VEGFB: variants seen among roughly 807,000 people sequenced by gnomAD.
VEGFB encodes VEGF-related factor.
In VEGFB, 24 loss-of-function variants were observed where a neutral mutation model predicts 22.5. The ratio of observed to expected loss-of-function variants is 1.07; its 90% CI spans 0.77 to 1.50. The LOEUF is 1.50. Ranked by LOEUF, VEGFB falls within the 40% of genes most tolerant of loss-of-function variation. The pLI, the probability that VEGFB is intolerant of heterozygous loss-of-function variation, is 0.00. For missense variants in VEGFB, 327 were observed against 287.8 expected (o/e 1.14, Z -0.99); for synonymous variants, 141 against 117.4 (o/e 1.20, Z -1.30).
chr11:64,235,847 C>T lies in VEGFB; in HGVS notation c.138C>T (p.Thr46=). Residue 46 remains threonine (T), a synonymous_variant, in exon 3 of 7, where the codon ACC becomes ACT. Transcript: ENST00000309422. ...GGATAGATGTGTATACTCGCGCTACCTGCCAGCCCCGGGAGGTGGTGGTGC... is the reference window on the plus strand; with the variant it reads ...GGATAGATGTGTATACTCGCGCTACTTGCCAGCCCCGGGAGGTGGTGGTGC... ...VSWIDVYTRA[T]CQPREVVVPL... 6.2e-7 allele frequency: 1 copy of T among 1,614,004 alleles called. No homozygotes were observed. Among genetic ancestry groups the T allele is most frequent in the Non-Finnish European group, 8.5e-7 (1 of 1,180,014 alleles).
intron 6 of VEGFB, chr11:64,237,938 G>C: frequency 2.0e-6 from 1 of 500,866 alleles, no homozygotes; most frequent in Non-Finnish European, 3.5e-6. Context: ...AGATCTCTTG[G>C]AGGAGGTGAC....
chr11:64,235,165 G>C (rs1947233794), intron 1 of VEGFB, among the ~76,000 whole-genome samples: 1 of 152,192 alleles, frequency 6.6e-6, no homozygotes, highest in South Asian at 2.1e-4. Flanking sequence ...ACCTGCTTCG[G>C]TGGGCACTGT....
rs906719238 is a variant in VEGFB, at chr11:64,235,487, C to G, written c.90C>G (p.Gly30=). ...QAPVSQPDAP[G]HQRKVVSWID... is the part of the protein sequence containing the mutation. The stretch of plus-strand genomic sequence containing the variant: ...CTGTCTCCCAGCCTGATGCCCCTGG[C>G]CACCAGAGGAAAGGTAATACTTACA... Residue 30 remains glycine, a synonymous_variant, in exon 2 of 7, where the codon GGC becomes GGG. Transcript: ENST00000309422. 1 of 1,613,770 alleles carries G rather than the reference C, an allele frequency of 6.2e-7. No homozygotes were observed. Among genetic ancestry groups the G allele is most frequent in the African/African-American group, 1.3e-5 (1 of 74,928 alleles).
At position 64,236,313 on chromosome 11, in the gene VEGFB, C is replaced by G. The variant is rs752983447; in HGVS notation, c.360C>G (p.Ser120Arg). The G allele has an allele frequency of 3.7e-6, 6 of 1,613,748 alleles. 1 individual carries two copies. The highest frequency in any genetic ancestry group is 4.5e-5 in the East Asian group (2 of 44,884). Residue 120 changes from serine to arginine, a missense_variant, in exon 4 of 7, where the codon AGC (serine) becomes AGG (arginine). Physicochemically the swap from Ser to Arg is moderately radical, Grantham distance 110. Coordinates refer to ENST00000309422, the MANE Select transcript of VEGFB (RefSeq NM_003377.5). ...GGGAGATGTCCCTGGAAGAACACAG[C>G]CAGTGTGAATGCAGGTGCCAGCCAG... is the stretch of plus-strand genomic sequence containing the variant. ...QLGEMSLEEH[S>R]QCECRPKKKD...
In VEGFB at chr11:64,234,709, C is replaced by A. The variant is rs1397611628; in HGVS notation, c.-125C>A. The A allele has an allele frequency of 1.1e-5, 2 of 184,318 alleles. No individual in the cohort carries two copies. The highest frequency in any genetic ancestry group is 1.6e-4 in the South Asian group (1 of 6,188). 11.4% of individuals were successfully genotyped at this position (184,318 alleles called of 1,614,324 possible). A position where few individuals can be genotyped will look rare whatever the true frequency, so the allele number is the denominator to read the frequency against. Reference sequence around the variant, plus strand: ...CGGGAGGGGGCCGCGGAGGAGTCGCCCCCCGCGCCCGGCCCCCGCCCGCCG... The same window carrying A: ...CGGGAGGGGGCCGCGGAGGAGTCGCACCCCGCGCCCGGCCCCCGCCCGCCG... On this transcript the variant is annotated 5_prime_UTR_variant, in exon 1 of 7. Transcript: ENST00000309422. The surrounding 1 kb of genome is among the most constrained non-coding windows in gnomAD (Gnocchi z 5.3).
intron 6 of VEGFB, among the ~76,000 whole-genome samples, chr11:64,238,056 C>A (rs565925276): frequency 6.6e-6 from 1 of 152,294 alleles, no homozygotes; most frequent in East Asian, 1.9e-4. Flanking sequence ...CTTCAAGAGG[C>A]CAGGGGACAT....
At chr11:64,235,629 G>A in intron 2 of VEGFB, 129 bp downstream of exon 2, 1 of 1,284,610 alleles carries the variant, frequency 7.8e-7, no homozygotes, top group South Asian at 1.2e-5. Flanking sequence ...ATTTCACAGA[G>A]GAGGAAATTG....
In VEGFB at chr11:64,235,857, C is replaced by A. The variant is rs998276317; in HGVS notation, c.148C>A (p.Arg50=). ...GTATACTCGCGCTACCTGCCAGCCC[C>A]GGGAGGTGGTGGTGCCCTTGACTGT... The part of the protein sequence containing the change: ...DVYTRATCQP[R]EVVVPLTVEL... Residue 50 remains arginine (R), a synonymous_variant, in exon 3 of 7, where the codon CGG becomes AGG. Coordinates refer to ENST00000309422, the MANE Select transcript of VEGFB (RefSeq NM_003377.5). 6.2e-7 allele frequency: 1 copy of A among 1,613,940 alleles called. No individual in the cohort carries two copies. The highest frequency in any genetic ancestry group is 8.5e-7 in the Non-Finnish European group (1 of 1,180,006).
intron 2 of VEGFB, 123 bp from the exon 3 acceptor site, chr11:64,235,690 T>G: frequency 7.6e-7 from 1 of 1,310,232 alleles, no homozygotes; most frequent in East Asian, 2.4e-5. Flanking sequence ...GAAGACAGGT[T>G]GTGAGGGCAG....
At chr11:64,237,126 G>GAGAGAGAGACAGA in intron 4 of VEGFB, 61 bp from the exon 5 acceptor site, 1 of 717,060 alleles carries the variant, frequency 1.4e-6, no homozygotes, top group South Asian at 2.4e-5. Flanking sequence ...AGAGAGAGTA[G>GAGAGAGAGACAGA]GATGCTGGGA....
Position 64,234,916 on chromosome 11 carries a change from C to G in VEGFB, c.60+23C>G. ...CAGGTACGTGCGGCCCGACAGCGCG[C>G]CCGCCCGCCCGCCGTGCCCTCTCTC... On this transcript the variant is annotated intron_variant, in intron 1 of 6. Coordinates refer to ENST00000309422, the MANE Select transcript of VEGFB (RefSeq NM_003377.5). This position sits in a 1 kb window ranked among gnomAD's most constrained non-coding sequence, Gnocchi z 5.3. The G allele has an allele frequency of 7.9e-7, 1 of 1,268,030 alleles. No homozygotes were observed. The highest frequency in any genetic ancestry group is 9.9e-7 in the Non-Finnish European group (1 of 1,006,668). 78.5% of individuals were successfully genotyped at this position (1,268,030 alleles called of 1,614,324 possible).
Position 64,234,859 on chromosome 11 carries a change from T to A in VEGFB, c.26T>A (p.Leu9Gln). The change falls in exon 1 of 7, where the codon CTG (leucine) becomes CAG (glutamine). Residue 9 changes from leucine to glutamine, a missense_variant. Physicochemically the swap from Leu to Gln is moderately radical, Grantham distance 113. Transcript: ENST00000309422. The surrounding 1 kb of genome is among the most constrained non-coding windows in gnomAD (Gnocchi z 5.3). MSPLLRRL[L>Q]LAALLQLAPA... ...ATGAGCCCTCTGCTCCGCCGCCTGCTGCTCGCCGCACTCCTGCAGCTGGCC... is the reference window on the plus strand; with the variant it reads ...ATGAGCCCTCTGCTCCGCCGCCTGCAGCTCGCCGCACTCCTGCAGCTGGCC... 7.7e-7 allele frequency: 1 copy of A among 1,290,392 alleles called. No homozygotes were observed. Among genetic ancestry groups the A allele is most frequent in the Non-Finnish European group, 9.8e-7 (1 of 1,015,806 alleles). 79.9% of individuals were successfully genotyped at this position (1,290,392 alleles called of 1,614,324 possible). A position where few individuals can be genotyped will look rare whatever the true frequency, so the allele number is the denominator to read the frequency against.
At chr11:64,238,206 T>C in intron 6 of VEGFB, 150 bp from the exon 7 acceptor site, 2 of 965,834 alleles carry the variant, frequency 2.1e-6, no homozygotes, top group Non-Finnish European at 3.0e-6. Flanking sequence ...TGCAAAAGGT[T>C]CATCCTTCGC....
intron 4 of VEGFB, 23 bp from the exon 5 acceptor site, chr11:64,237,164 T>C (rs199986994): frequency 1.3e-6 from 2 of 1,584,610 alleles, no homozygotes; most frequent in East Asian, 4.6e-5. Context: ...TGTTTGTCTG[T>C]GTCTGTCTAT....
rs1386928537 is a variant in VEGFB at position 64,238,904 on chromosome 11, T to C, written c.*571T>C. The C allele has an allele frequency of 6.0e-6, 1 of 166,716 alleles. No homozygotes were observed. The highest frequency in any genetic ancestry group is 2.4e-5 in the African/African-American group (1 of 41,846). The allele number at this position is 166,716 out of a possible 1,614,324, so 10.3% of individuals were successfully genotyped here. On this transcript the variant is annotated 3_prime_UTR_variant, in exon 7 of 7. Transcript: ENST00000309422. ...TCCCTCATTGTGCAGATGGAGGAAATGAGGACTAAGGCCCCACAGCAGATC... is the reference window on the plus strand; with the variant it reads ...TCCCTCATTGTGCAGATGGAGGAAACGAGGACTAAGGCCCCACAGCAGATC...
chr11:64,236,638 A>C (rs1037357744), intron 4 of VEGFB, among the ~76,000 whole-genome samples: 7 of 146,296 alleles, frequency 4.8e-5, no homozygotes, highest in African/African-American at 1.8e-4. Flanking sequence ...AATGGCATGA[A>C]CCTGGGAGGC....
At chr11:64,238,266 T>G (rs1591082690) in intron 6 of VEGFB, 90 bp from the exon 7 acceptor site, 1 of 1,493,038 alleles carries the variant, frequency 6.7e-7, no homozygotes, top group Middle Eastern at 1.7e-4. Context: ...GATGCTCAGG[T>G]TGTGATCTTA....
rs869149942 is a variant in VEGFB, at chr11:64,237,576, ACCTG to A, written c.570_573del (p.Ala191LeufsTer41). The A allele has an allele frequency of 1.3e-6, 2 of 1,567,376 alleles. No individual in the cohort carries two copies. The highest frequency in any genetic ancestry group is 2.3e-5 in the South Asian group (2 of 88,006). On this transcript the variant is annotated frameshift_variant, in exon 6 of 7. Coordinates refer to ENST00000309422, the MANE Select transcript of VEGFB (RefSeq NM_003377.5). LOFTEE classifies it high-confidence loss of function. ...GCACCACCAGCGCCCTGACCCCCGGACCTGCCGCTGCCGCTGCCGACGCCGCAGC... is the reference window on the plus strand; with the variant it reads ...GCACCACCAGCGCCCTGACCCCCGGACCGCTGCCGCTGCCGACGCCGCAGC...
rs777789921 is a variant in VEGFB, at chr11:64,235,858, G to A, written c.149G>A (p.Arg50Gln). Residue 50 changes from arginine (R) to glutamine (Q), a missense_variant, in exon 3 of 7, where the codon CGG (arginine) becomes CAG (glutamine). Arg to Gln is a conservative substitution (Grantham distance 43). Coordinates refer to ENST00000309422, the MANE Select transcript of VEGFB (RefSeq NM_003377.5). ...DVYTRATCQP[R>Q]EVVVPLTVEL... ...TATACTCGCGCTACCTGCCAGCCCC[G>A]GGAGGTGGTGGTGCCCTTGACTGTG... The A allele has an allele frequency of 1.6e-5, 26 of 1,613,804 alleles. No individual in the cohort carries two copies. The highest frequency in any genetic ancestry group is 3.3e-5 in the Admixed American group (2 of 60,002).
Sources: gnomAD v4.1 joint callset for allele counts (sites outside exome capture counted in the v4.1 genomes callset) on GRCh38, gnomAD v4.1.1 for gene constraint, Gnocchi (gnomAD v3.1) non-coding constraint, MANE v1.5 for transcripts, NCBI Gene and HGNC (gene_info 2026-07-23, HGNC 2026-07-21) for gene names.